GBE1: variants seen among roughly 807,000 people sequenced by gnomAD.
The protein encoded by GBE1 is 1,4-alpha-glucan-branching enzyme.
In GBE1, 70 loss-of-function variants were observed where a neutral mutation model predicts 88.8. That is an observed-to-expected ratio of 0.79 (90% CI 0.65 to 0.96). The LOEUF is 0.96. GBE1 is among the 40% of genes least tolerant of loss of function. GBE1 has a pLI of 0.00. For missense variants in GBE1, 872 were observed against 871.0 expected, an observed-to-expected ratio of 1.00 and a Z score of -0.01; for synonymous variants, 284 against 300.1, an observed-to-expected ratio of 0.95 and a Z score of 0.56.
chr3:81,583,799 G>A (rs1010321347), intron 10 of GBE1, among the ~76,000 whole-genome samples: 1 of 151,970 alleles, frequency 6.6e-6, no homozygotes, highest in Non-Finnish European at 1.5e-5. Context: ...GCAACATGAG[G>A]GAATCTTGTG....
rs1236400556 is a variant in GBE1 at position 81,721,204 on chromosome 3, A to AAAAT, written c.144-15595_144-15592dup. ...TACCCTAAAACTTAGAGTATAATAA[A>AAAAT]AAATAAATAAATAAATAAATAAATA... On this transcript the variant is annotated intron_variant, in intron 1 of 15. Coordinates refer to ENST00000429644, the MANE Select transcript of GBE1 (RefSeq NM_000158.4). Among the ~76,000 whole-genome samples, 4 of 90,804 alleles carry AAAAT rather than the reference A, an allele frequency of 4.4e-5. 1 individual carries two copies. Among genetic ancestry groups the AAAAT allele is most frequent in the Non-Finnish European group, 8.2e-5 (4 of 48,778 alleles). 59.6% of individuals were successfully genotyped at this position (90,804 alleles called of 152,430 possible). A position where few individuals can be genotyped will look rare whatever the true frequency, so the allele number is the denominator to read the frequency against.
At chr3:81,639,897 G>T (rs999274094) in intron 7 of GBE1, among the ~76,000 whole-genome samples, 1 of 152,074 alleles carries the variant, frequency 6.6e-6, no homozygotes, top group African/African-American at 2.4e-5. Context: ...CACCCCAGGG[G>T]ACACAAGGTG....
At chr3:81,650,043 T>C (rs918410072) in intron 3 of GBE1, 122 bp from the exon 4 acceptor site, 4 of 689,354 alleles carry the variant, frequency 5.8e-6, no homozygotes, top group Non-Finnish European at 9.7e-6. Flanking sequence ...TAGACCACCA[T>C]ACAGATGTGT....
At chr3:81,737,302 AATATATATTTATATATATTTAT>A (rs879574015) in intron 1 of GBE1, among the ~76,000 whole-genome samples, 9,709 of 132,166 alleles carry the variant, frequency 0.073, 700 homozygotes, top group African/African-American at 0.18. Flanking sequence ...TATTTATATA[AATATATATTTATATATATTTAT>A]ATATATTTTT....
chr3:81,748,468 G>T (rs1226823021), intron 1 of GBE1, among the ~76,000 whole-genome samples: 2 of 151,808 alleles, frequency 1.3e-5, no homozygotes, highest in Non-Finnish European at 2.9e-5. Flanking sequence ...AAAATTAGCC[G>T]GGTGTGGTGG....
intron 7 of GBE1, among the ~76,000 whole-genome samples, chr3:81,618,077 T>C (rs148488181): frequency 4.6e-5 from 7 of 152,052 alleles, no homozygotes; most frequent in Admixed American, 3.3e-4. Context: ...GAAGGAAACT[T>C]TATTGTATTT....
chr3:81,612,105 A>G (rs1344720463), intron 7 of GBE1: 1 of 272,234 alleles, frequency 3.7e-6, no homozygotes, highest in South Asian at 5.1e-5. Context: ...AAACTTTCAA[A>G]TTATAGGAAT....
rs569969014 is a variant in GBE1 at position 81,498,749 on chromosome 3, A to T, written c.2052+361T>A. Among the ~76,000 whole-genome samples, 33 of 152,318 alleles carry T rather than the reference A, an allele frequency of 2.2e-4. No individual in the cohort carries two copies. In the East Asian group the frequency reaches 6.0e-3, roughly 28 times the overall value. Reference sequence around the variant, plus strand: ...TAATGTAGAAATCTGCTTAATATAAAATGTTATGGAGAAAACAAGAACAGA... The same window carrying T: ...TAATGTAGAAATCTGCTTAATATAATATGTTATGGAGAAAACAAGAACAGA... On this transcript the variant is annotated intron_variant, in intron 15 of 15. Transcript: ENST00000429644.
chr3:81,752,103 A>G (rs1474273152), intron 1 of GBE1, among the ~76,000 whole-genome samples: 1 of 152,212 alleles, frequency 6.6e-6, no homozygotes, highest in Non-Finnish European at 1.5e-5. Flanking sequence ...GATCTACTAA[A>G]ATACATATGA....
chr3:81,743,751 T>A, intron 1 of GBE1: 1 of 615,482 alleles, frequency 1.6e-6, no homozygotes, highest in Non-Finnish European at 2.7e-6. Context: ...GTTGTTTGTG[T>A]TTTTGCTTTA....
chr3:81,649,218 T>C (rs188270263), intron 4 of GBE1, among the ~76,000 whole-genome samples: 1 of 152,246 alleles, frequency 6.6e-6, no homozygotes, highest in East Asian at 1.9e-4. Flanking sequence ...TTATGCCTTA[T>C]CATTGAGTAA....
intron 2 of GBE1, among the ~76,000 whole-genome samples, chr3:81,688,803 T>G (rs571039108): frequency 6.6e-6 from 1 of 151,676 alleles, no homozygotes; most frequent in East Asian, 1.9e-4. Context: ...AGATCTTAAT[T>G]TTCTCTTTTA....
chr3:81,575,025 C>T (rs1576155281), intron 12 of GBE1, among the ~76,000 whole-genome samples: 3 of 151,782 alleles, frequency 2.0e-5, no homozygotes, highest in African/African-American at 2.4e-5. Flanking sequence ...ATTAGCTGGG[C>T]GTGGTGGCGG....
At chr3:81,543,407 A>G (rs1703167487) in intron 12 of GBE1, among the ~76,000 whole-genome samples, 1 of 152,128 alleles carries the variant, frequency 6.6e-6, no homozygotes, top group South Asian at 2.1e-4. Flanking sequence ...CGCAACATTA[A>G]ATTTCATATT....
At chr3:81,726,588 T>C (rs1242022959) in intron 1 of GBE1, among the ~76,000 whole-genome samples, 1 of 150,822 alleles carries the variant, frequency 6.6e-6, no homozygotes, top group Admixed American at 6.6e-5. Flanking sequence ...TTGCAGACTT[T>C]TTTTTTTTTT....
chr3:81,582,671 A>G (rs1417363033), intron 10 of GBE1, among the ~76,000 whole-genome samples: 1 of 152,154 alleles, frequency 6.6e-6, no homozygotes, highest in African/African-American at 2.4e-5. Context: ...ATGCTTAAAG[A>G]ATTGGATACC....
At chr3:81,532,707 T>C (rs1050461681) in intron 14 of GBE1, among the ~76,000 whole-genome samples, 1 of 152,054 alleles carries the variant, frequency 6.6e-6, no homozygotes, top group Non-Finnish European at 1.5e-5. Context: ...CTAATTAATA[T>C]GGCATTAAAA....
intron 14 of GBE1, among the ~76,000 whole-genome samples, chr3:81,514,039 A>T (rs1702760885): frequency 6.6e-6 from 1 of 151,698 alleles, no homozygotes; most frequent in Non-Finnish European, 1.5e-5. Flanking sequence ...GCCAATGGGA[A>T]ATAAAAATGT....
At chr3:81,755,846 G>A (rs894756813) in intron 1 of GBE1, among the ~76,000 whole-genome samples, 3 of 151,866 alleles carry the variant, frequency 2.0e-5, no homozygotes, top group Non-Finnish European at 4.4e-5. Context: ...AGATAAAGGA[G>A]GAAAATATAT....
Sources: allele counts gnomAD v4.1 joint callset (sites outside exome capture counted in the v4.1 genomes callset), GRCh38; gene constraint gnomAD v4.1.1; transcripts MANE v1.5; gene names NCBI Gene and HGNC (gene_info 2026-07-23, HGNC 2026-07-21).